BABAM2: variants seen among roughly 807,000 people sequenced by gnomAD.
The protein encoded by BABAM2 is BRISC and BRCA1-A complex member 2.
Under a neutral mutation model 54.7 loss-of-function variants are expected in BABAM2, and 31 were observed. The observed-to-expected ratio is 0.57, with a 90% CI of 0.43 to 0.77. The LOEUF is 0.77. Among genes scored for constraint, BABAM2 ranks in the 30% least tolerant of loss-of-function variants. BABAM2 has a pLI of 0.00. For synonymous variants in BABAM2, 167 were observed against 162.9 expected (o/e 1.03, Z -0.19); for missense variants, 364 against 455.8 (o/e 0.80, Z 1.83).
chr2:28,175,733 C>T (rs561468045), intron 7 of BABAM2, among the ~76,000 whole-genome samples: 1 of 152,318 alleles, frequency 6.6e-6, no homozygotes, highest in South Asian at 2.1e-4. Context: ...TCCAGCCTAC[C>T]ACTGCCACTG....
At chr2:27,975,839 A>C (rs1671561895) in intron 3 of BABAM2, among the ~76,000 whole-genome samples, 1 of 152,144 alleles carries the variant, frequency 6.6e-6, no homozygotes, top group Non-Finnish European at 1.5e-5. Flanking sequence ...TGTAGCTTTC[A>C]AAAGTCAACA....
At chr2:28,031,558 T>A (rs2148581905) in intron 5 of BABAM2, among the ~76,000 whole-genome samples, 1 of 152,146 alleles carries the variant, frequency 6.6e-6, no homozygotes, top group East Asian at 1.9e-4. Context: ...AGGTTTTGGG[T>A]TAAAAAAAAA....
intron 10 of BABAM2, among the ~76,000 whole-genome samples, chr2:28,269,969 G>T (rs1685286411): frequency 6.6e-6 from 1 of 151,918 alleles, no homozygotes; most frequent in Admixed American, 6.6e-5. Context: ...ATATTGTCTT[G>T]ACATTATTTA....
intron 2 of BABAM2, 37 bp downstream of exon 2, chr2:27,894,721 C>T: frequency 1.9e-6 from 3 of 1,611,254 alleles, no homozygotes; most frequent in Non-Finnish European, 2.5e-6. Flanking sequence ...TGTACCAGAA[C>T]CAATTCAACC....
chr2:28,105,462 G>A lies in BABAM2; in HGVS notation c.571-23809G>A, dbSNP rs536271426. 2.0e-4 allele frequency among the ~76,000 whole-genome samples: 31 copies of A among 152,240 alleles called. No homozygotes were observed. In the South Asian group the frequency reaches 6.0e-3, roughly 30 times the overall value. On this transcript the variant is annotated intron_variant, in intron 6 of 11. Transcript: ENST00000379624. ...GAAGAGCGTGGTGCCATGGACCTAG[G>A]GAGCTACTGGATTGCAGTGGGAAAA... is the stretch of plus-strand genomic sequence containing the variant.
In BABAM2 at chr2:28,225,477, A is replaced by G. The variant is rs150860273; in HGVS notation, c.681-11725A>G. On this transcript the variant is annotated intron_variant, in intron 7 of 11. Transcript: ENST00000379624. ...AATTTGAAGGCTGGATAGCTTCTCT[A>G]TTGTGTGGTTTATGACATTTTCTGA... is the stretch of plus-strand genomic sequence containing the variant. 6.7e-3 allele frequency among the ~76,000 whole-genome samples: 1,021 copies of G among 152,236 alleles called. 13 individuals are homozygous for G. The highest frequency in any genetic ancestry group is 0.049 in the South Asian group (234 of 4,822).
intron 11 of BABAM2, among the ~76,000 whole-genome samples, chr2:28,330,750 A>G (rs377641445): frequency 6.6e-6 from 1 of 152,342 alleles, no homozygotes; most frequent in East Asian, 1.9e-4. Context: ...GAAAATAGCC[A>G]TACTTCCCAA....
intron 5 of BABAM2, among the ~76,000 whole-genome samples, chr2:28,035,295 A>T (rs1401108667): frequency 2.6e-5 from 4 of 152,138 alleles, no homozygotes; most frequent in African/African-American, 9.7e-5. Context: ...GAGGAGGGCA[A>T]GAGTTGCTAA....
At chr2:28,123,313 G>A (rs893835033) in intron 6 of BABAM2, among the ~76,000 whole-genome samples, 3 of 152,132 alleles carry the variant, frequency 2.0e-5, no homozygotes, top group Admixed American at 6.6e-5. Flanking sequence ...TATCATGGCC[G>A]TTATTGCTTT....
chr2:28,237,199 C>T lies in BABAM2; in HGVS notation c.681-3C>T, dbSNP rs1328249574. On this transcript the variant is annotated splice_region_variant and splice_polypyrimidine_tract_variant and intron_variant, in intron 7 of 11. Coordinates refer to ENST00000379624, the MANE Select transcript of BABAM2 (RefSeq NM_199191.3). Reference sequence around the variant, plus strand: ...AGTGTCCATTGTACTCTTGTCCTTTCAGTGCACTTGGAGGCTCCTCAGCTC... The same window carrying T: ...AGTGTCCATTGTACTCTTGTCCTTTTAGTGCACTTGGAGGCTCCTCAGCTC... The T allele has an allele frequency of 1.2e-6, 2 of 1,611,926 alleles. No individual in the cohort carries two copies. Among genetic ancestry groups the T allele is most frequent in the Non-Finnish European group, 1.7e-6 (2 of 1,178,122 alleles).
chr2:28,061,852 C>A (rs996786956), intron 6 of BABAM2, among the ~76,000 whole-genome samples: 3 of 152,100 alleles, frequency 2.0e-5, no homozygotes, highest in Non-Finnish European at 4.4e-5. Context: ...AATAGGAGCA[C>A]TTCATGATTC....
chr2:28,162,888 G>A (rs560529948), intron 7 of BABAM2, among the ~76,000 whole-genome samples: 1 of 152,232 alleles, frequency 6.6e-6, no homozygotes, highest in African/African-American at 2.4e-5. Context: ...TTGTGTCATA[G>A]GCCTCTAGTG....
chr2:28,098,203 ATCTG>A (rs766286932), intron 6 of BABAM2, among the ~76,000 whole-genome samples: 2 of 152,170 alleles, frequency 1.3e-5, no homozygotes, highest in African/African-American at 4.8e-5. Flanking sequence ...TTCTTCATTT[ATCTG>A]TCTGTCTTTA....
chr2:28,306,806 C>T (rs1211411256), intron 11 of BABAM2, among the ~76,000 whole-genome samples: 2 of 151,542 alleles, frequency 1.3e-5, no homozygotes, highest in Admixed American at 6.6e-5. Flanking sequence ...AAGCAATTCT[C>T]CTGCCTCAGC....
intron 11 of BABAM2, chr2:28,310,288 C>G: frequency 1.2e-6 from 1 of 852,770 alleles, no homozygotes. Flanking sequence ...ATCCTCTCAG[C>G]CTGTGCAGAC....
intron 4 of BABAM2, among the ~76,000 whole-genome samples, chr2:28,001,040 T>G (rs1337227065): frequency 3.3e-5 from 5 of 152,218 alleles, no homozygotes. Flanking sequence ...AACCAAGATC[T>G]TAGTGCCAGA....
chr2:28,289,178 T>G (rs1186432466), intron 10 of BABAM2, among the ~76,000 whole-genome samples: 1 of 152,120 alleles, frequency 6.6e-6, no homozygotes, highest in African/African-American at 2.4e-5. Flanking sequence ...GTCCTGTGGG[T>G]GTCTCTCCCA....
intron 7 of BABAM2, among the ~76,000 whole-genome samples, chr2:28,141,474 T>A (rs1671049910): frequency 6.6e-6 from 1 of 152,294 alleles, no homozygotes; most frequent in African/African-American, 2.4e-5. Context: ...ATAATTCTGA[T>A]GTTAGGAAGC....
intron 4 of BABAM2, among the ~76,000 whole-genome samples, chr2:28,022,236 A>G (rs914661124): frequency 2.0e-5 from 3 of 152,234 alleles, no homozygotes; most frequent in Admixed American, 6.5e-5. Context: ...AAACAATTCA[A>G]AATTACCACT....
Sources: gnomAD v4.1 joint callset for allele counts (sites outside exome capture counted in the v4.1 genomes callset) on GRCh38, gnomAD v4.1.1 for gene constraint, MANE v1.5 for transcripts, NCBI Gene and HGNC (gene_info 2026-07-23, HGNC 2026-07-21) for gene names.